ATXN1: variants seen among roughly 807,000 people sequenced by gnomAD.
ATXN1 encodes the protein ataxin 1.
A neutral mutation model predicts 56.4 loss-of-function variants in ATXN1; 8 were observed. That is an observed-to-expected ratio of 0.14 (90% CI 0.08 to 0.26). The LOEUF (loss-of-function observed/expected upper bound fraction) is 0.26, where lower values mean the gene tolerates loss of function less well. Ranked by LOEUF, ATXN1 falls within the 10% of genes least tolerant of loss-of-function variation. The pLI is 1.00. For synonymous variants in ATXN1, 514 were observed against 494.6 expected, an observed-to-expected ratio of 1.04 and a Z score of -0.52; for missense variants, 987 against 1,106.5, an observed-to-expected ratio of 0.89 and a Z score of 1.53.
At chr6:16,358,148 A>C (rs1477027077) in intron 6 of ATXN1, among the ~76,000 whole-genome samples, 1 of 152,234 alleles carries the variant, frequency 6.6e-6, no homozygotes, top group African/African-American at 2.4e-5. Flanking sequence ...AATGGCCATA[A>C]TAAAAAAAAT....
intron 2 of ATXN1, among the ~76,000 whole-genome samples, chr6:16,677,767 A>G (rs1758718330): frequency 6.6e-6 from 1 of 152,238 alleles, no homozygotes; most frequent in Non-Finnish European, 1.5e-5. Context: ...TTGTGAATGT[A>G]AGCAAGACAA....
At chr6:16,384,236 A>G (rs1380794558) in intron 6 of ATXN1, among the ~76,000 whole-genome samples, 1 of 152,200 alleles carries the variant, frequency 6.6e-6, no homozygotes, top group Non-Finnish European at 1.5e-5. Flanking sequence ...CAGGACATGG[A>G]CCAATACAAA....
Position 16,371,824 on chromosome 6 carries a change from C to T in ATXN1, c.-160-43354G>A, listed in dbSNP as rs1457395944. 3.9e-5 allele frequency among the ~76,000 whole-genome samples: 6 copies of T among 152,158 alleles called. No homozygotes were observed. In the East Asian group the frequency reaches 9.6e-4, roughly 24 times the overall value. ...AAAATCCTGGGCTCAAGTGATCCTCCTGCCTTAGCCTCCCAAAGTGCTGGA... is the reference window on the plus strand; with the variant it reads ...AAAATCCTGGGCTCAAGTGATCCTCTTGCCTTAGCCTCCCAAAGTGCTGGA... On this transcript the variant is annotated intron_variant, in intron 6 of 7. Coordinates refer to ENST00000436367, the MANE Select transcript of ATXN1 (RefSeq NM_001128164.2).
intron 6 of ATXN1, among the ~76,000 whole-genome samples, chr6:16,415,449 C>T (rs1260320489): frequency 5.9e-5 from 9 of 152,138 alleles, no homozygotes; most frequent in Admixed American, 2.0e-4. Flanking sequence ...AGGATGGTCT[C>T]GAACTCCTGA....
intron 6 of ATXN1, among the ~76,000 whole-genome samples, chr6:16,367,587 G>C (rs1761950219): frequency 1.3e-5 from 2 of 152,118 alleles, no homozygotes; most frequent in Admixed American, 6.6e-5. Flanking sequence ...CTCAAAACCT[G>C]TGGATAATTG....
chr6:16,609,569 A>T (rs1029889876), intron 3 of ATXN1, among the ~76,000 whole-genome samples: 1 of 152,226 alleles, frequency 6.6e-6, no homozygotes, highest in East Asian at 1.9e-4. Flanking sequence ...CACCTGGTCT[A>T]GTACATTTTT....
chr6:16,430,872 T>C (rs1343863858), intron 6 of ATXN1, among the ~76,000 whole-genome samples: 3 of 152,152 alleles, frequency 2.0e-5, no homozygotes, highest in Admixed American at 1.3e-4. Flanking sequence ...TTTGCTGAGA[T>C]AACACATTAT....
At chr6:16,556,636 A>G (rs1411319987) in intron 4 of ATXN1, among the ~76,000 whole-genome samples, 1 of 152,232 alleles carries the variant, frequency 6.6e-6, no homozygotes, top group Non-Finnish European at 1.5e-5. Flanking sequence ...AATGGACAAT[A>G]AACAGGCTCC....
At chr6:16,568,851 T>C (rs1429980526) in intron 4 of ATXN1, among the ~76,000 whole-genome samples, 2 of 152,182 alleles carry the variant, frequency 1.3e-5, no homozygotes, top group Non-Finnish European at 2.9e-5. Flanking sequence ...TAAAGACTTG[T>C]TTCTAGGTTT....
chr6:16,393,421 AGAG>A (rs1227998899), intron 6 of ATXN1, among the ~76,000 whole-genome samples: 1 of 152,032 alleles, frequency 6.6e-6, no homozygotes, highest in Non-Finnish European at 1.5e-5. Flanking sequence ...TTTTTTGTAG[AGAG>A]GAGTTTTGCT....
chr6:16,346,973 G>A (rs1442966725), intron 6 of ATXN1, among the ~76,000 whole-genome samples: 6 of 152,142 alleles, frequency 3.9e-5, no homozygotes, highest in African/African-American at 1.4e-4. Context: ...CCCCGCACTC[G>A]GAGCAGCGGC....
intron 6 of ATXN1, among the ~76,000 whole-genome samples, chr6:16,347,695 T>G (rs1761448801): frequency 1.3e-5 from 2 of 152,050 alleles, no homozygotes; most frequent in African/African-American, 4.8e-5. Flanking sequence ...TGGAGAACCT[T>G]TGTGTCTAGC....
intron 4 of ATXN1, among the ~76,000 whole-genome samples, chr6:16,560,081 C>T (rs1235084529): frequency 7.2e-5 from 11 of 152,102 alleles, no homozygotes; most frequent in Admixed American, 1.3e-4. Context: ...GATATGCCAA[C>T]GAGAGGGGTT....
At chr6:16,524,016 C>T (rs1761343894) in intron 4 of ATXN1, among the ~76,000 whole-genome samples, 1 of 152,242 alleles carries the variant, frequency 6.6e-6, no homozygotes, top group Non-Finnish European at 1.5e-5. Flanking sequence ...GGGCAAGTTT[C>T]CCAGGATTCC....
chr6:16,522,258 A>G (rs6459471), intron 5 of ATXN1, among the ~76,000 whole-genome samples: 87,223 of 151,848 alleles, frequency 0.57, 25,384 homozygotes, highest in East Asian at 0.75. Flanking sequence ...TGGAATTCAA[A>G]AGACATCACA....
At chr6:16,735,215 T>C (rs1046429876) in intron 2 of ATXN1, among the ~76,000 whole-genome samples, 1 of 152,134 alleles carries the variant, frequency 6.6e-6, no homozygotes, top group African/African-American at 2.4e-5. Flanking sequence ...GAGATAATAA[T>C]GACCTATGTA....
chr6:16,403,603 G>A (rs920651781), intron 6 of ATXN1, among the ~76,000 whole-genome samples: 1 of 152,144 alleles, frequency 6.6e-6, no homozygotes, highest in African/African-American at 2.4e-5. Flanking sequence ...CTCACACCTT[G>A]GCCTCCAAAA....
intron 3 of ATXN1, among the ~76,000 whole-genome samples, chr6:16,618,870 G>A (rs1432148737): frequency 6.6e-6 from 1 of 151,862 alleles, no homozygotes; most frequent in Non-Finnish European, 1.5e-5. Flanking sequence ...ATCAAAGTGG[G>A]AAAAATATTT....
chr6:16,320,980 T>C (rs1249374005), intron 7 of ATXN1, among the ~76,000 whole-genome samples: 1 of 152,212 alleles, frequency 6.6e-6, no homozygotes, highest in African/African-American at 2.4e-5. Context: ...ATAAACTCTT[T>C]TTAGAACACG....
Sources: allele counts gnomAD v4.1 joint callset (sites outside exome capture counted in the v4.1 genomes callset), GRCh38; gene constraint gnomAD v4.1.1; transcripts MANE v1.5; gene names NCBI Gene and HGNC (gene_info 2026-07-23, HGNC 2026-07-21).